The following KCTD8 variants were observed in gnomAD, a reference collection of about 807,000 sequenced individuals.
The protein encoded by KCTD8 is BTB/POZ domain-containing protein KCTD8.
KCTD8 carries 27 observed loss-of-function variants against 31.5 expected under a neutral mutation model. The ratio of observed to expected loss-of-function variants is 0.86; its 90% CI spans 0.63 to 1.18. The LOEUF (loss-of-function observed/expected upper bound fraction) is 1.18. KCTD8 is among the 50% of genes most tolerant of loss of function. The probability of loss-of-function intolerance (pLI) is 0.00; values close to 1 mark genes in which losing one functional copy is unlikely to be tolerated. For missense variants in KCTD8, 658 were observed against 647.7 expected (o/e 1.02, Z -0.17); for synonymous variants, 290 against 280.0 (o/e 1.04, Z -0.36).
At chr4:44,175,762 C>A (rs1164677683) in intron 1 of KCTD8, among the ~76,000 whole-genome samples, 3 of 152,174 alleles carry the variant, frequency 2.0e-5, no homozygotes, top group African/African-American at 7.2e-5. Flanking sequence ...GCAATCACAT[C>A]ATTTATGCTT....
intron 1 of KCTD8, among the ~76,000 whole-genome samples, chr4:44,335,548 T>A (rs1440805402): frequency 6.6e-6 from 1 of 152,112 alleles, no homozygotes; most frequent in Non-Finnish European, 1.5e-5. Context: ...CACATATTCA[T>A]TAGAAGTAAA....
intron 1 of KCTD8, among the ~76,000 whole-genome samples, chr4:44,222,234 A>G (rs530172142): frequency 6.6e-6 from 1 of 152,298 alleles, no homozygotes; most frequent in East Asian, 1.9e-4. Flanking sequence ...CAGTGTAGGC[A>G]TCCTGCTATC....
At chr4:44,210,391 C>A (rs1014027342) in intron 1 of KCTD8, among the ~76,000 whole-genome samples, 1 of 152,078 alleles carries the variant, frequency 6.6e-6, no homozygotes, top group African/African-American at 2.4e-5. Flanking sequence ...AGAAGATAAT[C>A]TGGACAATGC....
Position 44,447,602 on chromosome 4 carries a change from C to G in KCTD8, c.922G>C (p.Asp308His). The G allele has an allele frequency of 6.3e-7, 1 of 1,599,712 alleles. No individual in the cohort carries two copies. Among genetic ancestry groups the G allele is most frequent in the Non-Finnish European group, 8.5e-7 (1 of 1,173,200 alleles). Residue 308 changes from aspartate (D) to histidine (H), a missense_variant, in exon 1 of 2, where the codon GAC becomes CAC. By Grantham distance (81) the Asp-to-His change is moderately conservative. Transcript: ENST00000360029. ...TAAFVNQYRD[D>H]KIWSSYTEYI... is the part of the protein sequence containing the mutation. Reference sequence around the variant, plus strand: ...TCGGTGTAGCTGCTCCAGATCTTGTCGTCGCGGTACTGGTTGACGAAGGCG... The same window carrying G: ...TCGGTGTAGCTGCTCCAGATCTTGTGGTCGCGGTACTGGTTGACGAAGGCG...
chr4:44,287,727 C>A (rs1717141839), intron 1 of KCTD8, among the ~76,000 whole-genome samples: 1 of 152,168 alleles, frequency 6.6e-6, no homozygotes, highest in South Asian at 2.1e-4. Context: ...TCACAGCAGG[C>A]ATTACTAATT....
intron 1 of KCTD8, among the ~76,000 whole-genome samples, chr4:44,352,796 T>C (rs1056977479): frequency 6.6e-6 from 1 of 151,930 alleles, no homozygotes; most frequent in African/African-American, 2.4e-5. Flanking sequence ...CACCTTTATG[T>C]AACACCTCTC....
At chr4:44,380,091 C>T (rs1052390970) in intron 1 of KCTD8, among the ~76,000 whole-genome samples, 15 of 151,910 alleles carry the variant, frequency 9.9e-5, no homozygotes, top group Non-Finnish European at 1.5e-4. Flanking sequence ...CCTAAAGAGT[C>T]ACACTTAATT....
At chr4:44,401,588 G>A (rs945957380) in intron 1 of KCTD8, among the ~76,000 whole-genome samples, 2 of 152,000 alleles carry the variant, frequency 1.3e-5, no homozygotes, top group African/African-American at 4.8e-5. Flanking sequence ...GAAAGATTTG[G>A]GTTTAAGTCA....
Position 44,448,459 on chromosome 4 carries a change from G to T in KCTD8, c.65C>A (p.Ser22Ter). ...GGCCGACGCGCCGGGCGAGCTGGAC[G>T]AGGAAACCATCTCGCTAATGGGCAG... ...TILPISEMVS[S>*]SSSPGASAAA... The change falls in exon 1 of 2, where the codon TCG becomes TAG. Residue 22 changes from serine to a stop codon, truncating the protein, a stop_gained. Coordinates refer to ENST00000360029, the MANE Select transcript of KCTD8 (RefSeq NM_198353.3). LOFTEE classifies it high-confidence loss of function. The surrounding 1 kb of genome is among the most constrained non-coding windows in gnomAD (Gnocchi z 4.1). 2 of 1,546,090 alleles carry T rather than the reference G, an allele frequency of 1.3e-6. No individual in the cohort carries two copies. The highest frequency in any genetic ancestry group is 1.7e-6 in the Non-Finnish European group (2 of 1,154,190).
At chr4:44,326,895 C>A (rs777592478) in intron 1 of KCTD8, among the ~76,000 whole-genome samples, 31 of 151,772 alleles carry the variant, frequency 2.0e-4, no homozygotes, top group Non-Finnish European at 4.3e-4. Context: ...CTTTATTCTG[C>A]CAAATGGGAA....
At position 44,357,888 on chromosome 4, in the gene KCTD8, TTTA is replaced by T. The variant is rs1394938830; in HGVS notation, c.961+89672_961+89674del. On this transcript the variant is annotated intron_variant, in intron 1 of 1. Coordinates refer to ENST00000360029, the MANE Select transcript of KCTD8 (RefSeq NM_198353.3). ...TATTCTCTCTAAACATAAATATTCT[TTTA>T]TTATTATTATTATAATTATTATTAT... 7.3e-5 allele frequency among the ~76,000 whole-genome samples: 11 copies of T among 150,934 alleles called. No homozygotes were observed. In the South Asian group the frequency reaches 1.7e-3, roughly 23 times the overall value.
intron 1 of KCTD8, among the ~76,000 whole-genome samples, chr4:44,359,559 C>G (rs1719443803): frequency 6.6e-6 from 1 of 152,070 alleles, no homozygotes; most frequent in African/African-American, 2.4e-5. Context: ...TTCTCTTGTA[C>G]TGAAGTAAAA....
At chr4:44,443,354 A>C (rs1721859693) in intron 1 of KCTD8, among the ~76,000 whole-genome samples, 1 of 152,226 alleles carries the variant, frequency 6.6e-6, no homozygotes, top group Admixed American at 6.5e-5. Context: ...GTATTCACCT[A>C]AACAGAATGA....
At position 44,353,835 on chromosome 4, in the gene KCTD8, T is replaced by C. The variant is rs534532867; in HGVS notation, c.961+93728A>G. Among the ~76,000 whole-genome samples the C allele has an allele frequency of 2.0e-5, 3 of 152,268 alleles. No homozygotes were observed. In the East Asian group the frequency reaches 5.8e-4, roughly 29 times the overall value. ...CTTTTAATACTGTCTCTAATCACTG[T>C]TTACCTCTATTCCACAAATAGTTGT... is the stretch of plus-strand genomic sequence containing the variant. On this transcript the variant is annotated intron_variant, in intron 1 of 1. Coordinates refer to ENST00000360029, the MANE Select transcript of KCTD8 (RefSeq NM_198353.3).
intron 1 of KCTD8, chr4:44,293,535 C>A: frequency 2.4e-6 from 1 of 409,674 alleles, no homozygotes; most frequent in Non-Finnish European, 4.8e-6. Flanking sequence ...ACAGAGGACA[C>A]AAAGAAATTG....
intron 1 of KCTD8, among the ~76,000 whole-genome samples, chr4:44,180,229 A>G (rs1713337708): frequency 6.6e-6 from 1 of 152,212 alleles, no homozygotes; most frequent in South Asian, 2.1e-4. Flanking sequence ...TGATCTCATC[A>G]GCTAGGATTT....
chr4:44,314,412 A>G (rs535428902), intron 1 of KCTD8, among the ~76,000 whole-genome samples: 1 of 152,314 alleles, frequency 6.6e-6, no homozygotes, highest in Admixed American at 6.5e-5. Context: ...ACAAATGAGA[A>G]AGCATGGACA....
chr4:44,371,464 T>A (rs1018349535), intron 1 of KCTD8, among the ~76,000 whole-genome samples: 2 of 152,190 alleles, frequency 1.3e-5, no homozygotes, highest in African/African-American at 4.8e-5. Flanking sequence ...GCACACTGCT[T>A]GGCACAGAGT....
chr4:44,410,021 T>C (rs1577660167), intron 1 of KCTD8, among the ~76,000 whole-genome samples: 2 of 152,310 alleles, frequency 1.3e-5, no homozygotes, highest in South Asian at 4.1e-4. Context: ...ATGACTAGTA[T>C]CATTAATGAG....
Sources: allele counts gnomAD v4.1 joint callset (sites outside exome capture counted in the v4.1 genomes callset), GRCh38; gene constraint gnomAD v4.1.1; non-coding constraint Gnocchi (gnomAD v3.1); transcripts MANE v1.5; gene names NCBI Gene and HGNC (gene_info 2026-07-23, HGNC 2026-07-21).